The following ABCB10 variants were observed in gnomAD, a reference collection of about 807,000 sequenced individuals.
The protein encoded by ABCB10 is ATP binding cassette subfamily B member 10, also known as ATP-binding cassette sub-family B member 10, mitochondrial.
Under a neutral mutation model 65.4 loss-of-function variants are expected in ABCB10, and 54 were observed. That is an observed-to-expected ratio of 0.83 (90% CI 0.66 to 1.04). The LOEUF is 1.04. ABCB10 is among the 50% of genes least tolerant of loss of function. ABCB10 has a pLI of 0.00. For missense variants in ABCB10, 846 were observed against 976.6 expected (o/e 0.87, Z 1.78); for synonymous variants, 418 against 406.5 (o/e 1.03, Z -0.34).
rs143346649 is a variant in ABCB10, at chr1:229,540,629, C to T, written c.1180G>A (p.Ala394Thr). ...ACTGCTCCAAAGAAACCAGCCCGGG[C>T]GAATGCCTCTTTCCTTGCTAACTGC... ...VMQLARKEAF[A>T]RAGFFGATGL... The change falls in exon 5 of 13, where the codon GCC becomes ACC. Residue 394 changes from alanine to threonine, a missense_variant. Ala to Thr is a moderately conservative substitution (Grantham distance 58). Transcript: ENST00000344517. The T allele has an allele frequency of 1.4e-5, 22 of 1,611,428 alleles. No homozygotes were observed. The highest frequency in any genetic ancestry group is 3.3e-5 in the South Asian group (3 of 90,754).
Position 229,519,725 on chromosome 1 carries a change from G to A in ABCB10, c.1951-850C>T, listed in dbSNP as rs143266786. ...AATCGCTTGAACTCGGGAAGTGGAGGCTGCAGTGAGCCAAGCTCACACCAC... is the reference window on the plus strand; with the variant it reads ...AATCGCTTGAACTCGGGAAGTGGAGACTGCAGTGAGCCAAGCTCACACCAC... On this transcript the variant is annotated intron_variant, in intron 11 of 12. Transcript: ENST00000344517. Among the ~76,000 whole-genome samples the A allele has an allele frequency of 7.0e-3, 1,061 of 152,310 alleles. 10 individuals carry two copies. Among genetic ancestry groups the A allele is most frequent in the African/African-American group, 0.024 (989 of 41,576 alleles).
intron 8 of ABCB10, among the ~76,000 whole-genome samples, chr1:229,527,535 C>T (rs1662474736): frequency 6.6e-6 from 1 of 152,212 alleles, no homozygotes; most frequent in Admixed American, 6.5e-5. Flanking sequence ...GGATGACTAT[C>T]TCACCGAGTC....
chr1:229,531,555 C>G, intron 7 of ABCB10, 81 bp downstream of exon 7: 1 of 1,410,712 alleles, frequency 7.1e-7, no homozygotes, highest in Non-Finnish European at 9.9e-7. Context: ...CCCTCACTCC[C>G]TTGCAGACAG....
chr1:229,524,008 C>T (rs1315093837), intron 10 of ABCB10, among the ~76,000 whole-genome samples: 3 of 151,696 alleles, frequency 2.0e-5, no homozygotes, highest in Non-Finnish European at 2.9e-5. Flanking sequence ...AAATCATATA[C>T]AATAAGCTTA....
In ABCB10 at chr1:229,516,941, A is replaced by G. The variant is rs1322553270; in HGVS notation, c.*1238T>C. On this transcript the variant is annotated 3_prime_UTR_variant, in exon 13 of 13. Transcript: ENST00000344517. ...TTTCTTCTTCCAGTCTAATCAGGGA[A>G]CTAATAAATGCTTAGTTCATGGGAA... The G allele has an allele frequency of 6.6e-6, 1 of 152,214 alleles. No individual in the cohort carries two copies. The highest frequency in any genetic ancestry group is 6.5e-5 in the Admixed American group (1 of 15,276). The allele number at this position is 152,214 out of a possible 1,614,324, so 9.4% of individuals were successfully genotyped here. A position where few individuals can be genotyped will look rare whatever the true frequency, so the allele number is the denominator to read the frequency against.
rs118009335 is a variant in ABCB10 at position 229,537,763 on chromosome 1, T to C, written c.1339+1693A>G. Among the ~76,000 whole-genome samples the C allele has an allele frequency of 5.6e-4, 86 of 152,272 alleles. No individual in the cohort carries two copies. In the East Asian group the frequency reaches 0.015, roughly 27 times the overall value. Reference sequence around the variant, plus strand: ...CGACATCATGCCACCACACTCCAGCTTGGGCGACAGAGCAAGACTCCATCT... The same window carrying C: ...CGACATCATGCCACCACACTCCAGCCTGGGCGACAGAGCAAGACTCCATCT... On this transcript the variant is annotated intron_variant, in intron 6 of 12. Transcript: ENST00000344517.
chr1:229,526,157 A>G, intron 9 of ABCB10, 41 bp from the exon 10 acceptor site: 1 of 1,567,840 alleles, frequency 6.4e-7, no homozygotes, highest in Non-Finnish European at 8.7e-7. Flanking sequence ...TTTCAAACAG[A>G]CTTAAAACAT....
At position 229,525,992 on chromosome 1, in the gene ABCB10, C is replaced by T. The variant is rs933101692; in HGVS notation, c.1850G>A (p.Arg617Gln). ...AEVANAVAFIRNFPQGFNTVV... is the reference protein window; with the variant it reads ...AEVANAVAFIQNFPQGFNTVV... ...AGTGTTGAACCCTTGGGGGAAATTC[C>T]GGATGAAGGCCACTGCATTGGCCAC... The change falls in exon 10 of 13, where the codon CGG (arginine) becomes CAG (glutamine). Residue 617 changes from arginine (R) to glutamine (Q), a missense_variant. This residue lies in a region of ABCB10 where 632 missense variants were observed against 803.2 expected (regional missense o/e 0.79). Transcript: ENST00000344517. The T allele has an allele frequency of 2.0e-5, 33 of 1,614,064 alleles. No individual in the cohort carries two copies. The highest frequency in any genetic ancestry group is 1.6e-4 in the Middle Eastern group (1 of 6,084).
In ABCB10 at chr1:229,536,428, G is replaced by A. The variant is rs538930748; in HGVS notation, c.1339+3028C>T. Among the ~76,000 whole-genome samples the A allele has an allele frequency of 6.6e-5, 10 of 152,212 alleles. No homozygotes were observed. The East Asian group carries it at 1.9e-3, about 29-fold the overall frequency. ...AGGCTGAGGCGGAAGGATCACTTGA[G>A]CCCAGGAGGTCGAGGCTGCAGTGAG... On this transcript the variant is annotated intron_variant, in intron 6 of 12. Coordinates refer to ENST00000344517, the MANE Select transcript of ABCB10 (RefSeq NM_012089.3).
chr1:229,525,860 A>T, intron 10 of ABCB10, 76 bp downstream of exon 10: 2 of 1,510,326 alleles, frequency 1.3e-6, no homozygotes, highest in South Asian at 2.7e-5. Context: ...CAAAACAAAC[A>T]AACAAAAAAA....
intron 10 of ABCB10, among the ~76,000 whole-genome samples, chr1:229,523,965 T>C (rs1035568220): frequency 6.6e-6 from 1 of 151,954 alleles, no homozygotes; most frequent in Middle Eastern, 3.2e-3. Flanking sequence ...AAGACGCCTT[T>C]TCATCTACTG....
chr1:229,556,061 C>G (rs532983227), intron 1 of ABCB10, among the ~76,000 whole-genome samples: 2 of 150,190 alleles, frequency 1.3e-5, no homozygotes, highest in Admixed American at 6.6e-5. Context: ...TGTGGTGGAA[C>G]AAAATATATT....
In ABCB10 at chr1:229,517,329, G is replaced by T. The variant is rs1662198915; in HGVS notation, c.*850C>A. 2.0e-5 allele frequency: 3 copies of T among 152,124 alleles called. No homozygotes were observed. In the South Asian group the frequency reaches 6.2e-4, roughly 31 times the overall value. The allele number at this position is 152,124 out of a possible 1,614,324, so 9.4% of individuals were successfully genotyped here. ...AGTATTATAAAATAAGATTCAATTTGTCTTGAAATTATAAATTTGTAACAG... is the reference window on the plus strand; with the variant it reads ...AGTATTATAAAATAAGATTCAATTTTTCTTGAAATTATAAATTTGTAACAG... On this transcript the variant is annotated 3_prime_UTR_variant, in exon 13 of 13. Transcript: ENST00000344517.
intron 10 of ABCB10, among the ~76,000 whole-genome samples, chr1:229,522,204 A>G (rs185591472): frequency 9.2e-4 from 139 of 150,828 alleles, no homozygotes; most frequent in Non-Finnish European, 1.5e-3. Context: ...ATCTCATTTA[A>G]TGTTTTTATT....
intron 2 of ABCB10, among the ~76,000 whole-genome samples, chr1:229,548,883 G>A (rs1663032674): frequency 3.3e-5 from 5 of 151,758 alleles, no homozygotes; most frequent in African/African-American, 9.7e-5. Flanking sequence ...GGCTGGTCTC[G>A]AACTCCTGAC....
chr1:229,538,918 G>A (rs1023276240), intron 6 of ABCB10, among the ~76,000 whole-genome samples: 5 of 152,080 alleles, frequency 3.3e-5, no homozygotes, highest in Admixed American at 3.3e-4. Context: ...CTTTATCCGG[G>A]AATGAAAAAT....
rs140358686 is a variant in ABCB10 at position 229,540,657 on chromosome 1, T to A, written c.1152A>T (p.Val384=). 878 of 1,612,726 alleles carry A rather than the reference T, an allele frequency of 5.4e-4. 1 individual carries two copies. Among genetic ancestry groups the A allele is most frequent in the South Asian group, 1.1e-3 (104 of 91,024 alleles). ...IEKYASKVDH[V]MQLARKEAFA... is the part of the protein sequence containing the mutation. Reference sequence around the variant, plus strand: ...ATGCCTCTTTCCTTGCTAACTGCATTACATGGTCCACTTTGCTGGCATATT... The same window carrying A: ...ATGCCTCTTTCCTTGCTAACTGCATAACATGGTCCACTTTGCTGGCATATT... The change falls in exon 5 of 13, where the codon GTA becomes GTT. Residue 384 remains valine, a synonymous_variant. Transcript: ENST00000344517.
intron 7 of ABCB10, 47 bp from the exon 8 acceptor site, chr1:229,530,455 C>T (rs771561659): frequency 1.2e-6 from 2 of 1,600,824 alleles, no homozygotes; most frequent in Non-Finnish European, 1.7e-6. Context: ...AAAAATTAAA[C>T]TCAAAAGCTG....
intron 6 of ABCB10, chr1:229,535,251 A>G (rs1265198617): frequency 6.6e-6 from 1 of 152,102 alleles, no homozygotes; most frequent in African/African-American, 2.4e-5. Flanking sequence ...AAATGAGCTG[A>G]AAACTCCTAT....
Sources: allele counts gnomAD v4.1 joint callset (sites outside exome capture counted in the v4.1 genomes callset), GRCh38; gene constraint gnomAD v4.1.1; regional missense constraint gnomAD v4.1.1; transcripts MANE v1.5; gene names NCBI Gene and HGNC (gene_info 2026-07-23, HGNC 2026-07-21).